The following TGFBR2 variants were observed in gnomAD, a reference collection of about 807,000 sequenced individuals.
TGFBR2 encodes the protein transforming growth factor beta receptor 2.
TGFBR2 carries 18 observed loss-of-function variants against 49.0 expected under a neutral mutation model. The observed-to-expected ratio is 0.37, with a 90% CI of 0.25 to 0.54. The LOEUF (loss-of-function observed/expected upper bound fraction) is 0.54. Among genes scored for constraint, TGFBR2 ranks in the 20% least tolerant of loss-of-function variants. The pLI, the probability that TGFBR2 is intolerant of heterozygous loss-of-function variation, is 0.85. For missense variants in TGFBR2, 525 were observed against 722.6 expected (o/e 0.73, Z 3.13); for synonymous variants, 282 against 275.9 (o/e 1.02, Z -0.22).
At chr3:30,664,536 T>G (rs763815759) in intron 3 of TGFBR2, among the ~76,000 whole-genome samples, 5 of 152,220 alleles carry the variant, frequency 3.3e-5, no homozygotes, top group Admixed American at 1.3e-4. Context: ...AGATAAATGT[T>G]AGTATGCCAT....
At chr3:30,620,465 A>G (rs772662220) in intron 1 of TGFBR2, among the ~76,000 whole-genome samples, 2 of 151,988 alleles carry the variant, frequency 1.3e-5, no homozygotes, top group Non-Finnish European at 2.9e-5. Flanking sequence ...TGACAGAACC[A>G]TAGGCTTATG....
At chr3:30,640,425 G>A (rs1698623500) in intron 1 of TGFBR2, among the ~76,000 whole-genome samples, 4 of 152,178 alleles carry the variant, frequency 2.6e-5, no homozygotes, top group Admixed American at 2.6e-4. Context: ...TTGGTTCCAA[G>A]ACTCCTCGAG....
At chr3:30,655,050 C>T (rs1698969561) in intron 3 of TGFBR2, among the ~76,000 whole-genome samples, 2 of 152,316 alleles carry the variant, frequency 1.3e-5, no homozygotes, top group South Asian at 4.1e-4. Context: ...AGTGACTTGA[C>T]ATCTCCATGC....
intron 3 of TGFBR2, among the ~76,000 whole-genome samples, chr3:30,660,381 C>G (rs577198414): frequency 6.6e-6 from 1 of 152,284 alleles, no homozygotes; most frequent in East Asian, 1.9e-4. Flanking sequence ...GGGTCTTACT[C>G]CTGCAGTTTC....
chr3:30,672,483 T>C lies in TGFBR2; in HGVS notation c.1254+46T>C, dbSNP rs367587781. Reference sequence around the variant, plus strand: ...GATCCCCTTTACCTTGAGCCTGGCCTCACCCTACCTCTTGATCCATATCTC... The same window carrying C: ...GATCCCCTTTACCTTGAGCCTGGCCCCACCCTACCTCTTGATCCATATCTC... On this transcript the variant is annotated intron_variant, in intron 4 of 6. Transcript: ENST00000295754. The surrounding 1 kb of genome is among the most constrained non-coding windows in gnomAD (Gnocchi z 4.5). 1 of 1,584,700 alleles carries C rather than the reference T, an allele frequency of 6.3e-7. No homozygotes were observed. Among genetic ancestry groups the C allele is most frequent in the Non-Finnish European group, 8.7e-7 (1 of 1,153,540 alleles).
In TGFBR2 at chr3:30,639,210, C is replaced by A. The variant is rs375686921; in HGVS notation, c.95-5537C>A. Among the ~76,000 whole-genome samples the A allele has an allele frequency of 2.8e-3, 420 of 152,310 alleles. 2 individuals carry two copies. The highest frequency in any genetic ancestry group is 0.014 in the South Asian group (69 of 4,826). ...CTCAACATATAGTGGGCTGGCATCA[C>A]CCAGGGCAGCAGCTCCCTTCCTATC... On this transcript the variant is annotated intron_variant, in intron 1 of 6. Coordinates refer to ENST00000295754, the MANE Select transcript of TGFBR2 (RefSeq NM_003242.6).
intron 1 of TGFBR2, among the ~76,000 whole-genome samples, chr3:30,626,131 G>C (rs2125456606): frequency 6.6e-6 from 1 of 152,270 alleles, no homozygotes; most frequent in East Asian, 1.9e-4. Context: ...ACCATGTTGA[G>C]AAACACTAAT....
chr3:30,654,782 C>G lies in TGFBR2; in HGVS notation c.454+4322C>G, dbSNP rs115905219. On this transcript the variant is annotated intron_variant, in intron 3 of 6. Coordinates refer to ENST00000295754, the MANE Select transcript of TGFBR2 (RefSeq NM_003242.6). ...CATGCTGTTTACTTGCCAATGACAT[C>G]CCCACTTTGCAAAGACATGATATGG... Among the ~76,000 whole-genome samples, 1,025 of 152,290 alleles carry G rather than the reference C, an allele frequency of 6.7e-3. 11 individuals are homozygous for G. Among genetic ancestry groups the G allele is most frequent in the African/African-American group, 0.024 (986 of 41,552 alleles).
chr3:30,682,995 C>T (rs939645605), intron 5 of TGFBR2, among the ~76,000 whole-genome samples: 11 of 152,120 alleles, frequency 7.2e-5, no homozygotes, highest in Non-Finnish European at 1.5e-5. Flanking sequence ...ATGAAAGCTT[C>T]CTAAAAAGGC....
intron 6 of TGFBR2, among the ~76,000 whole-genome samples, chr3:30,690,000 A>G (rs1699685936): frequency 1.3e-5 from 2 of 152,208 alleles, no homozygotes; most frequent in Admixed American, 1.3e-4. Context: ...AATACTGTCA[A>G]TTAGGTGAAT....
At chr3:30,622,686 C>T (rs1450404604) in intron 1 of TGFBR2, among the ~76,000 whole-genome samples, 1 of 151,754 alleles carries the variant, frequency 6.6e-6, no homozygotes, top group Admixed American at 6.6e-5. Context: ...TTGAGACCAG[C>T]CTGACCAACA....
chr3:30,622,329 C>A (rs1313480422), intron 1 of TGFBR2, among the ~76,000 whole-genome samples: 2 of 152,158 alleles, frequency 1.3e-5, no homozygotes, highest in Non-Finnish European at 2.9e-5. Context: ...TGATCAGACT[C>A]AGCAGTTCAA....
intron 1 of TGFBR2, among the ~76,000 whole-genome samples, chr3:30,610,023 T>A (rs907463853): frequency 2.0e-5 from 3 of 152,192 alleles, no homozygotes; most frequent in African/African-American, 7.2e-5. Context: ...GACTTTTTAA[T>A]TTTTTCAGTA....
At chr3:30,669,537 C>A (rs903125201) in intron 3 of TGFBR2, among the ~76,000 whole-genome samples, 8 of 152,096 alleles carry the variant, frequency 5.3e-5, no homozygotes, top group Non-Finnish European at 1.2e-4. Flanking sequence ...ACATAGGGCT[C>A]ACAGATTGGT....
intron 1 of TGFBR2, among the ~76,000 whole-genome samples, chr3:30,617,073 AT>A (rs1295495249): frequency 1.5e-5 from 2 of 129,374 alleles, no homozygotes; most frequent in Non-Finnish European, 3.4e-5. Context: ...GAACTTTCAT[AT>A]TTTTTGGGAA....
At chr3:30,640,442 A>G (rs1386841146) in intron 1 of TGFBR2, among the ~76,000 whole-genome samples, 1 of 152,206 alleles carries the variant, frequency 6.6e-6, no homozygotes. Flanking sequence ...CGAGGAGACC[A>G]AAATCTACAG....
At chr3:30,688,613 C>A in intron 6 of TGFBR2, 102 bp downstream of exon 6, 1 of 1,519,950 alleles carries the variant, frequency 6.6e-7, no homozygotes, top group South Asian at 1.2e-5. Flanking sequence ...GGGAAGGTCC[C>A]ATTGTGTTCT....
chr3:30,607,758 G>A (rs1365040877), intron 1 of TGFBR2, among the ~76,000 whole-genome samples: 2 of 146,918 alleles, frequency 1.4e-5, no homozygotes. Context: ...CCACCTGATC[G>A]CTGTCTCTGA....
chr3:30,638,383 A>G (rs1044930775), intron 1 of TGFBR2, among the ~76,000 whole-genome samples: 1 of 152,150 alleles, frequency 6.6e-6, no homozygotes, highest in Non-Finnish European at 1.5e-5. Flanking sequence ...AGGAGAATTG[A>G]TGCCTTCAGG....
Sources: gnomAD v4.1 joint callset for allele counts (sites outside exome capture counted in the v4.1 genomes callset) on GRCh38, gnomAD v4.1.1 for gene constraint, Gnocchi (gnomAD v3.1) non-coding constraint, MANE v1.5 for transcripts, NCBI Gene and HGNC (gene_info 2026-07-23, HGNC 2026-07-21) for gene names.